Variants in NMI observed in about 807,000 individuals in gnomAD.
NMI encodes the protein N-myc-interactor.
In NMI, 39 loss-of-function variants were observed where a neutral mutation model predicts 34.3. That is an observed-to-expected ratio of 1.14 (90% CI 0.88 to 1.49). The LOEUF (loss-of-function observed/expected upper bound fraction) is 1.49. Ranked by LOEUF, NMI falls within the 40% of genes most tolerant of loss-of-function variation. The pLI, the probability that NMI is intolerant of heterozygous loss-of-function variation, is 0.00. For synonymous variants in NMI, 113 were observed against 120.3 expected (o/e 0.94, Z 0.40); for missense variants, 339 against 358.1 (o/e 0.95, Z 0.43).
At chr2:151,282,706 T>C in intron 2 of NMI, 162 bp downstream of exon 2, 1 of 430,738 alleles carries the variant, frequency 2.3e-6, no homozygotes. Context: ...ATGACACTTC[T>C]TGTAAGGCTT....
intron 1 of NMI, among the ~76,000 whole-genome samples, chr2:151,287,328 TAC>T (rs3836200): frequency 7.0e-4 from 104 of 148,362 alleles, no homozygotes; most frequent in East Asian, 3.2e-3. Context: ...CTCACACACA[TAC>T]ACACACACAC....
intron 6 of NMI, among the ~76,000 whole-genome samples, chr2:151,274,298 G>A (rs1208544662): frequency 5.1e-5 from 6 of 117,418 alleles, no homozygotes; most frequent in Non-Finnish European, 9.9e-5. Flanking sequence ...AGCTGAGATA[G>A]TGCCACTGCA....
chr2:151,271,555 A>G (rs1047431051), intron 7 of NMI, 71 bp downstream of exon 7: 18 of 817,682 alleles, frequency 2.2e-5, no homozygotes, highest in Non-Finnish European at 8.5e-6. Context: ...ACAGACTCAC[A>G]ACAACTTTAT....
chr2:151,275,695 A>C, intron 5 of NMI, 25 bp from the exon 6 acceptor site: 1 of 1,612,256 alleles, frequency 6.2e-7, no homozygotes, highest in Non-Finnish European at 8.5e-7. Context: ...GATGTTCAGA[A>C]ATATGGATGA....
chr2:151,274,564 C>T (rs1303354843), intron 6 of NMI, among the ~76,000 whole-genome samples: 2 of 150,790 alleles, frequency 1.3e-5, no homozygotes, highest in Non-Finnish European at 3.0e-5. Context: ...CAACCTCCAC[C>T]TCCTGGGTTC....
intron 6 of NMI, among the ~76,000 whole-genome samples, chr2:151,272,720 T>TAC (rs950048530): frequency 9.9e-5 from 15 of 151,856 alleles, no homozygotes; most frequent in South Asian, 2.1e-4. Context: ...ATATATAAAA[T>TAC]ACACACACAC....
At chr2:151,277,321 A>G (rs905817390) in intron 4 of NMI, 3 of 152,134 alleles carry the variant, frequency 2.0e-5, no homozygotes, top group Admixed American at 6.5e-5. Context: ...TAATACTCAG[A>G]TGATCCTCTT....
chr2:151,271,172 A>T (rs1340044418), intron 7 of NMI, among the ~76,000 whole-genome samples: 2 of 152,200 alleles, frequency 1.3e-5, no homozygotes, highest in African/African-American at 2.4e-5. Context: ...TTGGAGGTGA[A>T]GCAAACTGAA....
intron 6 of NMI, 114 bp downstream of exon 6, chr2:151,275,370 A>G: frequency 2.1e-6 from 2 of 947,644 alleles, no homozygotes; most frequent in East Asian, 4.9e-5. Flanking sequence ...TAAAATCCCC[A>G]ATTATCATGC....
chr2:151,275,302 T>A (rs1312769697), intron 6 of NMI, among the ~76,000 whole-genome samples, 182 bp downstream of exon 6: 1 of 152,180 alleles, frequency 6.6e-6, no homozygotes, highest in African/African-American at 2.4e-5. Context: ...CAATATTATC[T>A]TTCCTAGTAC....
chr2:151,275,028 G>A (rs1444948568), intron 6 of NMI, among the ~76,000 whole-genome samples: 1 of 151,376 alleles, frequency 6.6e-6, no homozygotes, highest in East Asian at 2.0e-4. Flanking sequence ...CCACAGGCAC[G>A]CACCACTATG....
intron 4 of NMI, among the ~76,000 whole-genome samples, 188 bp from the exon 5 acceptor site, chr2:151,276,052 T>TG (rs2105204748): frequency 6.6e-6 from 1 of 152,090 alleles, no homozygotes; most frequent in East Asian, 1.9e-4. Context: ...ATATATAATT[T>TG]GGGGGGTCAG....
At position 151,282,885 on chromosome 2, in the gene NMI, T is replaced by C. The variant is rs1326584185; in HGVS notation, c.64A>G (p.Lys22Glu). 1 of 1,513,190 alleles carries C rather than the reference T, an allele frequency of 6.6e-7. No individual in the cohort carries two copies. Among genetic ancestry groups the C allele is most frequent in the Admixed American group, 2.2e-5 (1 of 46,152 alleles). The allele number at this position is 1,513,190 out of a possible 1,614,324, so 93.7% of individuals were successfully genotyped here. A position where few individuals can be genotyped will look rare whatever the true frequency, so the allele number is the denominator to read the frequency against. The change falls in exon 2 of 8, where the codon AAA (lysine) becomes GAA (glutamate). Residue 22 changes from lysine (K) to glutamate (E), a missense_variant. Coordinates refer to ENST00000243346, the MANE Select transcript of NMI (RefSeq NM_004688.3). ...CTTTTTACCTTATTTTGTTCATCTT[T>C]TATAAATTCATCTGGCGAATGCTCC... ...LKEHSPDEFI[K>E]DEQNKGLIDE...
In NMI at chr2:151,275,667, A is replaced by T; in HGVS notation, c.451T>A (p.Tyr151Asn). Reference protein sequence around the residue: ...PLNSGVRFQVYVEVSKMKINV... With the variant: ...PLNSGVRFQVNVEVSKMKINV... ...ATTTTCATTTTAGAAACTTCTACAT[A>T]AACCTGGAAAATGATTTGATGTTCA... The change falls in exon 6 of 8, where the codon TAT becomes AAT. Residue 151 changes from tyrosine (Y) to asparagine (N), a missense_variant. Tyr to Asn is a moderately radical substitution (Grantham distance 143). Transcript: ENST00000243346. 1 of 1,613,878 alleles carries T rather than the reference A, an allele frequency of 6.2e-7. No individual in the cohort carries two copies. The highest frequency in any genetic ancestry group is 8.5e-7 in the Non-Finnish European group (1 of 1,179,710).
chr2:151,271,715 T>A lies in NMI; in HGVS notation c.652A>T (p.Lys218Ter). Reference sequence around the variant, plus strand: ...ATATAAAGAGGGTATTCTTTCTTTTTCAAAATCTTGTCAGCCACTAAAAGC... The same window carrying A: ...ATATAAAGAGGGTATTCTTTCTTTTACAAAATCTTGTCAGCCACTAAAAGC... ...VEIGVADKIL[K>*]KKEYPLYINQ... The change falls in exon 7 of 8, where the codon AAA becomes TAA. Residue 218 changes from lysine to a stop codon, truncating the protein, a stop_gained. Transcript: ENST00000243346. LOFTEE classifies it high-confidence loss of function. 1 of 1,560,348 alleles carries A rather than the reference T, an allele frequency of 6.4e-7. No individual in the cohort carries two copies. Among genetic ancestry groups the A allele is most frequent in the South Asian group, 1.1e-5 (1 of 87,656 alleles).
intron 1 of NMI, among the ~76,000 whole-genome samples, chr2:151,287,123 T>G (rs1445614790): frequency 6.6e-5 from 10 of 152,132 alleles, no homozygotes; most frequent in Admixed American, 6.6e-4. Context: ...GAGCACATCT[T>G]TTTTGTAGGA....
chr2:151,274,880 T>G (rs530710765), intron 6 of NMI, among the ~76,000 whole-genome samples: 3 of 152,114 alleles, frequency 2.0e-5, no homozygotes, highest in Non-Finnish European at 4.4e-5. Context: ...ATCAATTTTT[T>G]TTTTTAATTT....
At chr2:151,287,322 C>CAT (rs1156806942) in intron 1 of NMI, among the ~76,000 whole-genome samples, 1,673 of 118,178 alleles carry the variant, frequency 0.014, 36 homozygotes, top group African/African-American at 0.049. Flanking sequence ...CTCTCTCTCA[C>CAT]ACACATACAC....
intron 1 of NMI, among the ~76,000 whole-genome samples, chr2:151,287,482 C>G (rs1460127560): frequency 6.6e-6 from 1 of 152,148 alleles, no homozygotes; most frequent in African/African-American, 2.4e-5. Context: ...ACCCAGTTCC[C>G]TAACCACACT....
Sources: allele counts gnomAD v4.1 joint callset (sites outside exome capture counted in the v4.1 genomes callset), GRCh38; gene constraint gnomAD v4.1.1; transcripts MANE v1.5; gene names NCBI Gene and HGNC (gene_info 2026-07-23, HGNC 2026-07-21).